FBH1: variants seen among roughly 807,000 people sequenced by gnomAD.
The protein encoded by FBH1 is DNA 3'-5' helicase 1.
In FBH1, 43 loss-of-function variants were observed where a neutral mutation model predicts 115.5. The ratio of observed to expected loss-of-function variants is 0.37; its 90% CI spans 0.29 to 0.48. The LOEUF (loss-of-function observed/expected upper bound fraction) is 0.48, where lower values mean the gene tolerates loss of function less well. FBH1 is among the 20% of genes least tolerant of loss of function. The pLI, the probability that FBH1 is intolerant of heterozygous loss-of-function variation, is 0.99. For synonymous variants in FBH1, 524 were observed against 507.8 expected (o/e 1.03, Z -0.43); for missense variants, 1,001 against 1,337.3 (o/e 0.75, Z 3.92).
At chr10:5,912,823 C>T (rs1831685738) in intron 6 of FBH1, among the ~76,000 whole-genome samples, 1 of 152,224 alleles carries the variant, frequency 6.6e-6, no homozygotes, top group Non-Finnish European at 1.5e-5. Flanking sequence ...AGCGCTTCAA[C>T]ACAGGAATTT....
chr10:5,908,014 C>T (rs995421963), intron 3 of FBH1, among the ~76,000 whole-genome samples: 6 of 152,128 alleles, frequency 3.9e-5, no homozygotes, highest in African/African-American at 1.4e-4. Context: ...TGTATATGTT[C>T]GTTCAGCCCG....
At chr10:5,891,899 A>G (rs903892618) in intron 1 of FBH1, among the ~76,000 whole-genome samples, 1 of 152,252 alleles carries the variant, frequency 6.6e-6, no homozygotes, top group African/African-American at 2.4e-5. Flanking sequence ...GGCGTGAGCC[A>G]CCGTGCCTAG....
chr10:5,916,730 G>A (rs1256218987), intron 10 of FBH1, among the ~76,000 whole-genome samples: 1 of 152,108 alleles, frequency 6.6e-6, no homozygotes, highest in African/African-American at 2.4e-5. Context: ...TCTGAGGATG[G>A]GCAAACAGGG....
At chr10:5,891,564 C>G (rs898859484) in intron 1 of FBH1, among the ~76,000 whole-genome samples, 2 of 152,154 alleles carry the variant, frequency 1.3e-5, no homozygotes, top group Non-Finnish European at 2.9e-5. Flanking sequence ...TCTAGTTTCC[C>G]TGTTTTTTAA....
intron 1 of FBH1, among the ~76,000 whole-genome samples, chr10:5,892,090 C>A (rs1842765901): frequency 6.6e-6 from 1 of 152,090 alleles, no homozygotes; most frequent in Non-Finnish European, 1.5e-5. Context: ...AAAGCTTGGT[C>A]TAGAGGGGCG....
intron 1 of FBH1, chr10:5,894,220 A>C: frequency 1.0e-6 from 1 of 985,278 alleles, no homozygotes; most frequent in Non-Finnish European, 1.2e-6. Flanking sequence ...TTTAGAGCTA[A>C]TGGGGACACA....
chr10:5,926,119 CTT>C (rs1832637176), intron 18 of FBH1, among the ~76,000 whole-genome samples: 1 of 103,696 alleles, frequency 9.6e-6, no homozygotes, highest in Non-Finnish European at 2.2e-5. Flanking sequence ...TCTTATTCTT[CTT>C]ATTATTATTA....
In FBH1 at chr10:5,911,238, G is replaced by C; in HGVS notation, c.1211+110G>C. 1 of 1,052,714 alleles carries C rather than the reference G, an allele frequency of 9.5e-7. No individual in the cohort carries two copies. Among genetic ancestry groups the C allele is most frequent in the Non-Finnish European group, 1.4e-6 (1 of 729,250 alleles). The allele number at this position is 1,052,714 out of a possible 1,614,324, so 65.2% of individuals were successfully genotyped here. ...AGTGTTAGCACCTGGCAGGCTGTGG[G>C]ACCCACCTGCTCCACCTCAGTGTCA... On this transcript the variant is annotated intron_variant, in intron 6 of 20. Transcript: ENST00000362091. This position sits in a 1 kb window ranked among gnomAD's most constrained non-coding sequence, Gnocchi z 5.4.
At position 5,917,080 on chromosome 10, in the gene FBH1, T is replaced by C. The variant is rs1832010184; in HGVS notation, c.1789-340T>C. On this transcript the variant is annotated intron_variant, in intron 10 of 20. Coordinates refer to ENST00000362091, the MANE Select transcript of FBH1 (RefSeq NM_178150.3). This position sits in a 1 kb window ranked among gnomAD's most constrained non-coding sequence, Gnocchi z 5.6. Reference sequence around the variant, plus strand: ...TGCTAGTGGGAAAGTCTGTTTCTTTTTTTCATCAAGTCTTTTCAATCATGT... The same window carrying C: ...TGCTAGTGGGAAAGTCTGTTTCTTTCTTTCATCAAGTCTTTTCAATCATGT... 1 of 257,270 alleles carries C rather than the reference T, an allele frequency of 3.9e-6. No homozygotes were observed. Among genetic ancestry groups the C allele is most frequent in the South Asian group, 5.7e-5 (1 of 17,680 alleles). 15.9% of individuals were successfully genotyped at this position (257,270 alleles called of 1,614,324 possible). A position where few individuals can be genotyped will look rare whatever the true frequency, so the allele number is the denominator to read the frequency against.
Position 5,911,245 on chromosome 10 carries a change from C to T in FBH1, c.1211+117C>T, listed in dbSNP as rs1416426277. ...GCACCTGGCAGGCTGTGGGACCCAC[C>T]TGCTCCACCTCAGTGTCATCTTCTG... is the stretch of plus-strand genomic sequence containing the variant. On this transcript the variant is annotated intron_variant, in intron 6 of 20. Coordinates refer to ENST00000362091, the MANE Select transcript of FBH1 (RefSeq NM_178150.3). This position sits in a 1 kb window ranked among gnomAD's most constrained non-coding sequence, Gnocchi z 5.4. 2.1e-6 allele frequency: 2 copies of T among 961,574 alleles called. No individual in the cohort carries two copies. The highest frequency in any genetic ancestry group is 1.6e-5 in the African/African-American group (1 of 60,868). 59.6% of individuals were successfully genotyped at this position (961,574 alleles called of 1,614,324 possible). A position where few individuals can be genotyped will look rare whatever the true frequency, so the allele number is the denominator to read the frequency against.
chr10:5,908,693 G>A (rs1831363885), intron 3 of FBH1, among the ~76,000 whole-genome samples: 1 of 150,350 alleles, frequency 6.7e-6, no homozygotes, highest in African/African-American at 2.5e-5. Context: ...TGCAACCTCC[G>A]CCTCCCAGGT....
intron 13 of FBH1, among the ~76,000 whole-genome samples, chr10:5,919,430 G>T (rs755372806): frequency 6.6e-6 from 1 of 152,146 alleles, no homozygotes; most frequent in Non-Finnish European, 1.5e-5. Flanking sequence ...AGGTTGCAGT[G>T]AGCCGAGGTC....
Position 5,918,550 on chromosome 10 carries a change from G to A in FBH1, c.2100+72G>A, listed in dbSNP as rs1832120381. 6.8e-7 allele frequency: 1 copy of A among 1,463,808 alleles called. No homozygotes were observed. The highest frequency in any genetic ancestry group is 9.0e-7 in the Non-Finnish European group (1 of 1,110,384). The allele number at this position is 1,463,808 out of a possible 1,614,324, so 90.7% of individuals were successfully genotyped here. ...TCTTACGTGCCAGGCCCTGTGAAAG[G>A]TGGTATGCCAGGCTCACCAGATCTA... On this transcript the variant is annotated intron_variant, in intron 13 of 20. Transcript: ENST00000362091. The surrounding 1 kb of genome is among the most constrained non-coding windows in gnomAD (Gnocchi z 4.0).
chr10:5,929,728 A>G (rs539307307), intron 19 of FBH1: 1 of 152,290 alleles, frequency 6.6e-6, no homozygotes, highest in South Asian at 2.1e-4. Flanking sequence ...AAAAACGGCC[A>G]TTGTCTGGAT....
At chr10:5,903,860 A>C (rs185593660) in intron 2 of FBH1, among the ~76,000 whole-genome samples, 1 of 152,100 alleles carries the variant, frequency 6.6e-6, no homozygotes, top group Non-Finnish European at 1.5e-5. Flanking sequence ...ATATTCCTTC[A>C]TCCTGAGCTC....
In FBH1 at chr10:5,936,828, A is replaced by T; in HGVS notation, c.2961+241A>T. 1.6e-6 allele frequency: 1 copy of T among 613,056 alleles called. No homozygotes were observed. 38.0% of individuals were successfully genotyped at this position (613,056 alleles called of 1,614,324 possible). A position where few individuals can be genotyped will look rare whatever the true frequency, so the allele number is the denominator to read the frequency against. On this transcript the variant is annotated intron_variant, in intron 20 of 20. Coordinates refer to ENST00000362091, the MANE Select transcript of FBH1 (RefSeq NM_178150.3). This position sits in a 1 kb window ranked among gnomAD's most constrained non-coding sequence, Gnocchi z 5.6. ...GGAGGCTGGGTTGTGATACACGCTT[A>T]GAGAGAGAGCTGTTCCCTGGGGTCC...
rs1239955736 is a variant in FBH1 at position 5,918,326 on chromosome 10, C to G, written c.1964-16C>G. 3 of 1,605,476 alleles carry G rather than the reference C, an allele frequency of 1.9e-6. No homozygotes were observed. Among genetic ancestry groups the G allele is most frequent in the South Asian group, 1.1e-5 (1 of 90,182 alleles). On this transcript the variant is annotated splice_polypyrimidine_tract_variant and intron_variant, in intron 12 of 20. Coordinates refer to ENST00000362091, the MANE Select transcript of FBH1 (RefSeq NM_178150.3). This position sits in a 1 kb window ranked among gnomAD's most constrained non-coding sequence, Gnocchi z 4.0. ...GAGGCCTCAAGGTTTCTCACTTTTC[C>G]TCTCGTTGGTTACAGCTATCATGAA...
intron 18 of FBH1, 101 bp from the exon 19 acceptor site, chr10:5,927,333 CG>C: frequency 1.3e-6 from 1 of 776,746 alleles, no homozygotes; most frequent in Non-Finnish European, 2.0e-6. Flanking sequence ...TGGTTTTCTG[CG>C]GGGAATGGGT....
In FBH1 at chr10:5,916,394, G is replaced by A. The variant is rs1242288657; in HGVS notation, c.1726G>A (p.Val576Met). ...TGACGAAGAGCTGACCATTGATCAC[G>A]TGCCTATTTGGTGTAAGAACAGCCA... The part of the protein sequence containing the change: ...SADEELTIDH[V>M]PIWCKNSQGQ... Residue 576 changes from valine to methionine, a missense_variant, in exon 10 of 21, where the codon GTG becomes ATG. Physicochemically the swap from Val to Met is conservative, Grantham distance 21. Transcript: ENST00000362091. The A allele has an allele frequency of 1.2e-6, 2 of 1,614,196 alleles. No homozygotes were observed. The highest frequency in any genetic ancestry group is 2.2e-5 in the East Asian group (1 of 44,886).
Sources: gnomAD v4.1 joint callset for allele counts (sites outside exome capture counted in the v4.1 genomes callset) on GRCh38, gnomAD v4.1.1 for gene constraint, Gnocchi (gnomAD v3.1) non-coding constraint, MANE v1.5 for transcripts, NCBI Gene and HGNC (gene_info 2026-07-23, HGNC 2026-07-21) for gene names.